Variants in RORA observed in about 807,000 individuals in gnomAD.
RORA encodes nuclear receptor ROR-alpha.
Under a neutral mutation model 69.5 loss-of-function variants are expected in RORA, and 7 were observed. The ratio of observed to expected loss-of-function variants is 0.10; its 90% CI spans 0.06 to 0.19. RORA has a LOEUF of 0.19. Ranked by LOEUF, RORA falls within the 10% of genes least tolerant of loss-of-function variation. The pLI is 1.00. For missense variants in RORA, 457 were observed against 663.0 expected, an observed-to-expected ratio of 0.69 and a Z score of 3.41; for synonymous variants, 261 against 240.8, an observed-to-expected ratio of 1.08 and a Z score of -0.78.
At chr15:60,645,420 A>T (rs900302618) in intron 2 of RORA, among the ~76,000 whole-genome samples, 3 of 135,448 alleles carry the variant, frequency 2.2e-5, no homozygotes, top group Non-Finnish European at 4.8e-5. Flanking sequence ...TGACAGATAA[A>T]TTTTTTTTTT....
chr15:60,711,803 C>T (rs2071147900), intron 1 of RORA, among the ~76,000 whole-genome samples: 1 of 152,198 alleles, frequency 6.6e-6, no homozygotes, highest in Non-Finnish European at 1.5e-5. Context: ...ACCCTGTCAG[C>T]AACCCACCTT....
At chr15:61,053,863 A>ATATATAT (rs1555406156) in intron 1 of RORA, among the ~76,000 whole-genome samples, 9 of 137,190 alleles carry the variant, frequency 6.6e-5, no homozygotes, top group Non-Finnish European at 9.5e-5. Context: ...ATATATATAT[A>ATATATAT]AACATTCTTC....
chr15:61,016,711 G>T (rs1236914811), intron 1 of RORA, among the ~76,000 whole-genome samples: 3 of 152,176 alleles, frequency 2.0e-5, no homozygotes, highest in Non-Finnish European at 4.4e-5. Context: ...CCCATAAGGA[G>T]TAAAGAATAG....
chr15:61,036,647 A>C (rs1408741689), intron 1 of RORA, among the ~76,000 whole-genome samples: 1 of 152,050 alleles, frequency 6.6e-6, no homozygotes, highest in East Asian at 1.9e-4. Context: ...AATTCTCTCT[A>C]AAAATGTTTT....
In RORA at chr15:61,212,501, G is replaced by A. The variant is rs2080002389; in HGVS notation, c.166+16552C>T. 2.0e-5 allele frequency among the ~76,000 whole-genome samples: 3 copies of A among 152,304 alleles called. No homozygotes were observed. In the South Asian group the frequency reaches 6.2e-4, roughly 32 times the overall value. ...TGCAACCTCTGCCTCCCAGGTTCGG[G>A]TGATTCTCCTGCCTCAGCCTCCCAA... On this transcript the variant is annotated intron_variant, in intron 1 of 10. Transcript: ENST00000335670.
chr15:60,932,700 G>C (rs890911879), intron 1 of RORA, among the ~76,000 whole-genome samples: 1 of 152,166 alleles, frequency 6.6e-6, no homozygotes, highest in Non-Finnish European at 1.5e-5. Flanking sequence ...TGACTCAGTA[G>C]GTGGTTCCGA....
At chr15:60,987,053 C>T (rs1439008172) in intron 1 of RORA, among the ~76,000 whole-genome samples, 1 of 152,168 alleles carries the variant, frequency 6.6e-6, no homozygotes, top group East Asian at 1.9e-4. Context: ...TGGAATAAGA[C>T]TAAACTTGCC....
At chr15:61,021,766 G>A (rs1006351538) in intron 1 of RORA, among the ~76,000 whole-genome samples, 3 of 152,172 alleles carry the variant, frequency 2.0e-5, no homozygotes, top group Non-Finnish European at 4.4e-5. Flanking sequence ...TGAGATGCAC[G>A]GAAGCACTAT....
intron 2 of RORA, among the ~76,000 whole-genome samples, chr15:60,605,538 A>T (rs2068925030): frequency 6.6e-6 from 1 of 152,206 alleles, no homozygotes; most frequent in African/African-American, 2.4e-5. Flanking sequence ...GCATAAGGTT[A>T]CTTCACTCAA....
intron 1 of RORA, among the ~76,000 whole-genome samples, chr15:61,004,201 G>T (rs1383595250): frequency 6.6e-6 from 1 of 151,804 alleles, no homozygotes. Flanking sequence ...AGTGTAATTT[G>T]CCAAAAAGGG....
chr15:60,830,803 A>C (rs903172081), intron 1 of RORA, among the ~76,000 whole-genome samples: 1 of 152,214 alleles, frequency 6.6e-6, no homozygotes, highest in East Asian at 1.9e-4. Context: ...GTGATGAGAA[A>C]CACATGGCAA....
chr15:60,594,155 A>C (rs556454776), intron 2 of RORA, among the ~76,000 whole-genome samples: 1 of 152,342 alleles, frequency 6.6e-6, no homozygotes, highest in African/African-American at 2.4e-5. Flanking sequence ...AGACCTACCC[A>C]TGTTAACTCA....
chr15:60,535,843 C>T (rs1409310687), intron 2 of RORA, among the ~76,000 whole-genome samples: 1 of 152,144 alleles, frequency 6.6e-6, no homozygotes, highest in African/African-American at 2.4e-5. Flanking sequence ...CTCACTCCTC[C>T]AATACCCTAT....
At chr15:60,825,664 G>A (rs1190666494) in intron 1 of RORA, among the ~76,000 whole-genome samples, 1 of 152,118 alleles carries the variant, frequency 6.6e-6, no homozygotes, top group Non-Finnish European at 1.5e-5. Context: ...CACAAAGCAT[G>A]GCCCCGAAGA....
intron 1 of RORA, among the ~76,000 whole-genome samples, chr15:61,087,564 G>A (rs146453667): frequency 3.3e-5 from 5 of 152,260 alleles, no homozygotes; most frequent in South Asian, 2.1e-4. Context: ...TACTAATCAC[G>A]AATTTCTGCA....
chr15:60,766,307 C>A (rs1370648479), intron 1 of RORA, among the ~76,000 whole-genome samples: 1 of 152,050 alleles, frequency 6.6e-6, no homozygotes, highest in African/African-American at 2.4e-5. Context: ...CTTTTGCAGA[C>A]TTTCGACTTA....
At chr15:60,738,315 G>A (rs564399258) in intron 1 of RORA, among the ~76,000 whole-genome samples, 1 of 152,340 alleles carries the variant, frequency 6.6e-6, no homozygotes, top group Admixed American at 6.5e-5. Context: ...AGCAAAGACT[G>A]AGGAATATTT....
At chr15:61,206,026 T>C (rs1469515955) in intron 1 of RORA, among the ~76,000 whole-genome samples, 1 of 152,052 alleles carries the variant, frequency 6.6e-6, no homozygotes, top group Non-Finnish European at 1.5e-5. Context: ...AAAGACGCAG[T>C]GAGAATTTTA....
At chr15:60,822,707 C>T (rs1224567458) in intron 1 of RORA, among the ~76,000 whole-genome samples, 1 of 152,212 alleles carries the variant, frequency 6.6e-6, no homozygotes, top group Non-Finnish European at 1.5e-5. Flanking sequence ...TCTGGCACCA[C>T]CTAGCATGCG....
Sources: allele counts gnomAD v4.1 joint callset (sites outside exome capture counted in the v4.1 genomes callset), GRCh38; gene constraint gnomAD v4.1.1; transcripts MANE v1.5; gene names NCBI Gene and HGNC (gene_info 2026-07-23, HGNC 2026-07-21).